The following PPP1R14D variants were observed in gnomAD, a reference collection of about 807,000 sequenced individuals.
PPP1R14D encodes the protein protein phosphatase 1 regulatory inhibitor subunit 14D.
Under a neutral mutation model 17.1 loss-of-function variants are expected in PPP1R14D, and 14 were observed. The observed-to-expected ratio is 0.82, with a 90% CI of 0.54 to 1.28. The LOEUF is 1.28. Among genes scored for constraint, PPP1R14D ranks in the 50% most tolerant of loss-of-function variants. The pLI is 0.00. For missense variants in PPP1R14D, 173 were observed against 179.2 expected, an observed-to-expected ratio of 0.97 and a Z score of 0.20; for synonymous variants, 67 against 66.1, an observed-to-expected ratio of 1.01 and a Z score of -0.06.
Position 40,816,157 on chromosome 15 carries a change from G to T in PPP1R14D, c.339+13C>A. Reference sequence around the variant, plus strand: ...CCCACTGACCCAAGGCCAGCTTCTAGCCCCCATCCTACCTCCAGCTGAGTC... The same window carrying T: ...CCCACTGACCCAAGGCCAGCTTCTATCCCCCATCCTACCTCCAGCTGAGTC... On this transcript the variant is annotated intron_variant, in intron 2 of 3. Transcript: ENST00000299174. 3 of 1,613,420 alleles carry T rather than the reference G, an allele frequency of 1.9e-6. No homozygotes were observed. The highest frequency in any genetic ancestry group is 2.5e-6 in the Non-Finnish European group (3 of 1,179,370).
chr15:40,826,942 C>G (rs1452053718), intron 1 of PPP1R14D, among the ~76,000 whole-genome samples: 1 of 152,190 alleles, frequency 6.6e-6, no homozygotes, highest in African/African-American at 2.4e-5. Context: ...GCAGTTCTTA[C>G]CTCTCTAGAA....
intron 1 of PPP1R14D, among the ~76,000 whole-genome samples, chr15:40,819,553 A>T (rs1890734350): frequency 6.6e-6 from 1 of 152,034 alleles, no homozygotes; most frequent in Non-Finnish European, 1.5e-5. Flanking sequence ...AAAAAAAAAA[A>T]AATTACCGTT....
At chr15:40,822,717 T>C (rs1207067523) in intron 1 of PPP1R14D, among the ~76,000 whole-genome samples, 1 of 152,154 alleles carries the variant, frequency 6.6e-6, no homozygotes, top group Non-Finnish European at 1.5e-5. Context: ...CCTCCCAAAG[T>C]GCTGGGATTA....
chr15:40,822,720 T>A (rs1449081002), intron 1 of PPP1R14D, among the ~76,000 whole-genome samples: 2 of 152,192 alleles, frequency 1.3e-5, no homozygotes, highest in Admixed American at 6.5e-5. Flanking sequence ...CCCAAAGTGC[T>A]GGGATTACAG....
chr15:40,819,265 C>T (rs908857127), intron 1 of PPP1R14D, among the ~76,000 whole-genome samples: 2 of 152,106 alleles, frequency 1.3e-5, no homozygotes, highest in South Asian at 2.1e-4. Context: ...CAAATGTCAA[C>T]GTACTGAAAA....
chr15:40,818,399 T>C (rs1459114939), intron 1 of PPP1R14D, among the ~76,000 whole-genome samples: 1 of 150,964 alleles, frequency 6.6e-6, no homozygotes, highest in Non-Finnish European at 1.5e-5. Context: ...AGTAGGTGAA[T>C]GGATAAACAA....
chr15:40,828,191 A>C (rs1467967197), intron 1 of PPP1R14D, among the ~76,000 whole-genome samples, 196 bp downstream of exon 1: 5 of 152,158 alleles, frequency 3.3e-5, no homozygotes, highest in Non-Finnish European at 7.3e-5. Context: ...GATCACAAAG[A>C]GCATTAGAGG....
chr15:40,816,460 C>T (rs1269513765), intron 1 of PPP1R14D, among the ~76,000 whole-genome samples: 1 of 152,244 alleles, frequency 6.6e-6, no homozygotes, highest in African/African-American at 2.4e-5. Context: ...TGCCTGTAAT[C>T]CCAGCACTTC....
chr15:40,816,193 C>T lies in PPP1R14D; in HGVS notation c.316G>A (p.Glu106Lys). ...DLEALMDLST[E>K]EQKTQLEAIL... ...ACCTCCAGCTGAGTCTTCTGCTCCT[C>T]TGTGGATAGATCCATGAGAGCTTCC... The change falls in exon 2 of 4, where the codon GAG (glutamate) becomes AAG (lysine). Residue 106 changes from glutamate (E) to lysine (K), a missense_variant. Glu to Lys is a moderately conservative substitution (Grantham distance 56, BLOSUM62 1). Coordinates refer to ENST00000299174, the MANE Select transcript of PPP1R14D (RefSeq NM_017726.8). 2.5e-6 allele frequency: 4 copies of T among 1,614,206 alleles called. No individual in the cohort carries two copies. Among genetic ancestry groups the T allele is most frequent in the Non-Finnish European group, 3.4e-6 (4 of 1,180,040 alleles).
chr15:40,822,959 C>T (rs894759297), intron 1 of PPP1R14D, among the ~76,000 whole-genome samples: 18 of 135,816 alleles, frequency 1.3e-4, no homozygotes, highest in East Asian at 4.5e-4. Flanking sequence ...CCACCACATC[C>T]GGCTAATTTT....
rs151230565 is a variant in PPP1R14D, at chr15:40,819,298, G to A, written c.256-3045C>T. ...AAAAGGCAAACAAAATCTTAGCATT[G>A]GCCAGGCGCGAGGCTGAGGCAGATG... On this transcript the variant is annotated intron_variant, in intron 1 of 3. Coordinates refer to ENST00000299174, the MANE Select transcript of PPP1R14D (RefSeq NM_017726.8). Among the ~76,000 whole-genome samples, 590 of 152,158 alleles carry A rather than the reference G, an allele frequency of 3.9e-3. 4 individuals are homozygous for A. Among genetic ancestry groups the A allele is most frequent in the African/African-American group, 0.014 (577 of 41,524 alleles).
chr15:40,819,487 A>G (rs1490920541), intron 1 of PPP1R14D, among the ~76,000 whole-genome samples: 1 of 151,762 alleles, frequency 6.6e-6, no homozygotes, highest in South Asian at 2.1e-4. Flanking sequence ...AAGTGAGCCA[A>G]TATCACGCCA....
chr15:40,820,438 C>T (rs563018408), intron 1 of PPP1R14D, among the ~76,000 whole-genome samples: 10 of 151,874 alleles, frequency 6.6e-5, no homozygotes, highest in South Asian at 4.2e-4. Flanking sequence ...GGATTACAGG[C>T]GTGAGCCACC....
At chr15:40,828,281 C>G in intron 1 of PPP1R14D, 106 bp downstream of exon 1, 1 of 1,417,558 alleles carries the variant, frequency 7.1e-7, no homozygotes, top group East Asian at 2.3e-5. Flanking sequence ...AAAGCTTTCT[C>G]TTCACGGAAG....
chr15:40,819,662 T>C (rs1890736980), intron 1 of PPP1R14D, among the ~76,000 whole-genome samples: 2 of 152,184 alleles, frequency 1.3e-5, no homozygotes. Flanking sequence ...CTTCAAGAAC[T>C]GATATGTTAT....
chr15:40,818,646 G>A (rs1260516144), intron 1 of PPP1R14D, among the ~76,000 whole-genome samples: 1 of 152,150 alleles, frequency 6.6e-6, no homozygotes, highest in Non-Finnish European at 1.5e-5. Flanking sequence ...CCAACAGTAA[G>A]ACCTGCTGGA....
At position 40,828,595 on chromosome 15, in the gene PPP1R14D, C is replaced by T; in HGVS notation, c.47G>A (p.Gly16Glu). The change falls in exon 1 of 4, where the codon GGG becomes GAG. Residue 16 changes from glycine to glutamate, a missense_variant. Physicochemically the swap from Gly to Glu is moderately conservative, Grantham distance 98 (BLOSUM62 -2). Transcript: ENST00000299174. ...PASCTSPSPD[G>E]ENPCKKVHWA... ...GTGGACCTTCTTACATGGGTTCTCCCCATCTGGGCTGGGAGATGTGCAGGA... is the reference window on the plus strand; with the variant it reads ...GTGGACCTTCTTACATGGGTTCTCCTCATCTGGGCTGGGAGATGTGCAGGA... 6.2e-7 allele frequency: 1 copy of T among 1,614,056 alleles called. No individual in the cohort carries two copies. The highest frequency in any genetic ancestry group is 8.5e-7 in the Non-Finnish European group (1 of 1,179,964).
chr15:40,815,821 C>T, intron 3 of PPP1R14D, 60 bp from the exon 4 acceptor site: 2 of 1,498,212 alleles, frequency 1.3e-6, no homozygotes, highest in Non-Finnish European at 1.8e-6. Flanking sequence ...CCACCCTGCC[C>T]TCCCTAATCT....
intron 1 of PPP1R14D, among the ~76,000 whole-genome samples, chr15:40,816,615 A>G (rs1289813197): frequency 6.6e-6 from 1 of 152,040 alleles, no homozygotes; most frequent in East Asian, 1.9e-4. Flanking sequence ...TGGGAGGCTG[A>G]GGCAGGAGAA....
Sources: gnomAD v4.1 joint callset for allele counts (sites outside exome capture counted in the v4.1 genomes callset) on GRCh38, gnomAD v4.1.1 for gene constraint, MANE v1.5 for transcripts, NCBI Gene and HGNC (gene_info 2026-07-23, HGNC 2026-07-21) for gene names.